Variants in TINAG observed in about 807,000 individuals in gnomAD.
TINAG encodes the protein tubulointerstitial nephritis antigen.
Under a neutral mutation model 72.7 loss-of-function variants are expected in TINAG, and 83 were observed. The observed-to-expected ratio is 1.14, with a 90% CI of 0.96 to 1.37. The LOEUF (loss-of-function observed/expected upper bound fraction) is 1.37, where lower values mean the gene tolerates loss of function less well. TINAG is among the 40% of genes most tolerant of loss of function. The probability of loss-of-function intolerance (pLI) is 0.00; values close to 1 mark genes in which losing one functional copy is unlikely to be tolerated. For missense variants in TINAG, 685 were observed against 576.6 expected, an observed-to-expected ratio of 1.19 and a Z score of -1.93; for synonymous variants, 234 against 189.9, an observed-to-expected ratio of 1.23 and a Z score of -1.91.
At chr6:54,318,379 A>G (rs1159149033) in intron 1 of TINAG, among the ~76,000 whole-genome samples, 1 of 152,026 alleles carries the variant, frequency 6.6e-6, no homozygotes, top group Non-Finnish European at 1.5e-5. Flanking sequence ...CCATTTCTTT[A>G]TTACTCAAGC....
chr6:54,310,907 C>CTT (rs1562142949), intron 1 of TINAG, among the ~76,000 whole-genome samples: 6 of 145,516 alleles, frequency 4.1e-5, no homozygotes, highest in Non-Finnish European at 9.0e-5. Context: ...CCCTCTTTCT[C>CTT]TTTCTCTCTC....
chr6:54,388,122 G>T (rs1323017950), intron 10 of TINAG, among the ~76,000 whole-genome samples: 1 of 152,052 alleles, frequency 6.6e-6, no homozygotes, highest in African/African-American at 2.4e-5. Context: ...TATCATATTT[G>T]CAAGAATTTA....
At chr6:54,366,576 C>T (rs908540826) in intron 9 of TINAG, among the ~76,000 whole-genome samples, 3 of 144,876 alleles carry the variant, frequency 2.1e-5, no homozygotes, top group Non-Finnish European at 3.0e-5. Flanking sequence ...TCCTCAGCAT[C>T]GAGATAGAGA....
chr6:54,373,997 C>A (rs981507893), intron 9 of TINAG, among the ~76,000 whole-genome samples: 1 of 152,074 alleles, frequency 6.6e-6, no homozygotes. Flanking sequence ...AATGCATATT[C>A]TGTCAGCATA....
intron 9 of TINAG, among the ~76,000 whole-genome samples, chr6:54,372,667 A>G (rs867987887): frequency 5.8e-4 from 88 of 150,890 alleles, no homozygotes; most frequent in African/African-American, 2.1e-3. Flanking sequence ...TGAGATTACC[A>G]CTGCAGAATC....
chr6:54,347,059 G>T (rs557767523), intron 5 of TINAG, among the ~76,000 whole-genome samples: 2 of 152,126 alleles, frequency 1.3e-5, no homozygotes, highest in East Asian at 3.9e-4. Flanking sequence ...CCCTCCAAGA[G>T]TTTCACCTGA....
At chr6:54,309,506 TA>T (rs1421753836) in intron 1 of TINAG, among the ~76,000 whole-genome samples, 1 of 152,166 alleles carries the variant, frequency 6.6e-6, no homozygotes, top group Non-Finnish European at 1.5e-5. Flanking sequence ...TTACAATTAT[TA>T]AAAAGAAAGG....
chr6:54,354,461 T>C (rs1785342847), intron 8 of TINAG, 52 bp from the exon 9 acceptor site: 2 of 1,501,550 alleles, frequency 1.3e-6, no homozygotes, highest in African/African-American at 1.5e-5. Flanking sequence ...TGGTGGTTTT[T>C]AAAGATGATA....
chr6:54,313,549 C>T (rs1050968209), intron 1 of TINAG, among the ~76,000 whole-genome samples: 1 of 145,238 alleles, frequency 6.9e-6, no homozygotes, highest in Non-Finnish European at 1.5e-5. Flanking sequence ...TTAACTCATT[C>T]ATTATTTAAT....
At chr6:54,331,667 T>G (rs1392250301) in intron 4 of TINAG, among the ~76,000 whole-genome samples, 1 of 152,222 alleles carries the variant, frequency 6.6e-6, no homozygotes. Flanking sequence ...GGAAGTCAAA[T>G]TGTCTCTGTT....
At chr6:54,353,273 T>C (rs1021117373) in intron 8 of TINAG, among the ~76,000 whole-genome samples, 1 of 151,858 alleles carries the variant, frequency 6.6e-6, no homozygotes, top group African/African-American at 2.4e-5. Context: ...AGTCAATGGT[T>C]CTACAGAAAA....
At chr6:54,362,390 G>T (rs1235121069) in intron 9 of TINAG, among the ~76,000 whole-genome samples, 1 of 151,522 alleles carries the variant, frequency 6.6e-6, no homozygotes, top group East Asian at 1.9e-4. Context: ...TCTAGAAGTG[G>T]AACAATAAAA....
chr6:54,342,669 T>C (rs574314145), intron 4 of TINAG, among the ~76,000 whole-genome samples: 1 of 152,310 alleles, frequency 6.6e-6, no homozygotes, highest in Non-Finnish European at 1.5e-5. Context: ...TGCCCAGTCC[T>C]GAAGTCCTTT....
chr6:54,350,829 A>G (rs1785248370), intron 7 of TINAG, among the ~76,000 whole-genome samples: 2 of 151,702 alleles, frequency 1.3e-5, no homozygotes, highest in South Asian at 4.2e-4. Flanking sequence ...TCATTCAACC[A>G]AAATGTAAAT....
At chr6:54,349,672 A>G (rs369614932) in intron 6 of TINAG, 44 bp from the exon 7 acceptor site, 2 of 1,439,316 alleles carry the variant, frequency 1.4e-6, no homozygotes, top group South Asian at 1.5e-5. Context: ...ATATTACGAC[A>G]TTCTCCTAAA....
chr6:54,353,303 C>G (rs1032356082), intron 8 of TINAG, among the ~76,000 whole-genome samples: 1 of 151,838 alleles, frequency 6.6e-6, no homozygotes, highest in African/African-American at 2.4e-5. Flanking sequence ...CTAGCAATAT[C>G]TTCACATTTT....
chr6:54,334,176 A>G (rs542391013), intron 4 of TINAG, among the ~76,000 whole-genome samples: 1 of 152,232 alleles, frequency 6.6e-6, no homozygotes, highest in South Asian at 2.1e-4. Flanking sequence ...TCCAGTTGAG[A>G]TATTGATTGT....
intron 10 of TINAG, among the ~76,000 whole-genome samples, chr6:54,387,739 T>C (rs1764135314): frequency 6.6e-6 from 1 of 152,184 alleles, no homozygotes; most frequent in African/African-American, 2.4e-5. Flanking sequence ...GATGAAAAGT[T>C]AAATCTTTAG....
At chr6:54,388,941 C>T (rs1019714707) in intron 10 of TINAG, among the ~76,000 whole-genome samples, 2 of 152,088 alleles carry the variant, frequency 1.3e-5, no homozygotes, top group African/African-American at 4.8e-5. Context: ...TGTCTGTACC[C>T]TCTTAAATCT....
Sources: allele counts gnomAD v4.1 joint callset (sites outside exome capture counted in the v4.1 genomes callset), GRCh38; gene constraint gnomAD v4.1.1; transcripts MANE v1.5; gene names NCBI Gene and HGNC (gene_info 2026-07-23, HGNC 2026-07-21).